Variants in PRKN observed in about 807,000 individuals in gnomAD.
PRKN encodes the protein E3 ubiquitin-protein ligase parkin.
PRKN carries 56 observed loss-of-function variants against 59.5 expected under a neutral mutation model. The ratio of observed to expected loss-of-function variants is 0.94; its 90% CI spans 0.76 to 1.18. The LOEUF is 1.18. Among genes scored for constraint, PRKN ranks in the 50% most tolerant of loss-of-function variants. The pLI is 0.00. For missense variants in PRKN, 657 were observed against 596.4 expected (o/e 1.10, Z -1.06); for synonymous variants, 250 against 222.1 (o/e 1.13, Z -1.12).
intron 3 of PRKN, among the ~76,000 whole-genome samples, chr6:162,261,191 C>T (rs1368259392): frequency 6.6e-6 from 1 of 152,162 alleles, no homozygotes; most frequent in East Asian, 1.9e-4. Context: ...TCCTCCTCAT[C>T]CTAGTAAGGA....
chr6:162,326,134 CA>C (rs749424243), intron 2 of PRKN, among the ~76,000 whole-genome samples: 16 of 152,250 alleles, frequency 1.1e-4, no homozygotes, highest in Admixed American at 3.3e-4. Flanking sequence ...AGCTTAGAAG[CA>C]AAAGGAAGCT....
chr6:161,897,966 C>CAAAAAAAAAAAAA lies in PRKN; in HGVS notation c.734+75323_734+75335dup, dbSNP rs55714271. ...TGGGTGACAGAGCGAGACTCCGTCT[C>CAAAAAAAAAAAAA]AAAAAAAAAAAAAAAAAAGTCTCCC... On this transcript the variant is annotated intron_variant, in intron 6 of 11. Coordinates refer to ENST00000366898, the MANE Select transcript of PRKN (RefSeq NM_004562.3). Among the ~76,000 whole-genome samples the CAAAAAAAAAAAAA allele has an allele frequency of 1.1e-3, 42 of 38,294 alleles. 6 individuals are homozygous for CAAAAAAAAAAAAA. Among genetic ancestry groups the CAAAAAAAAAAAAA allele is most frequent in the Non-Finnish European group, 1.6e-3 (35 of 21,916 alleles). 25.1% of individuals were successfully genotyped at this position (38,294 alleles called of 152,430 possible). A position where few individuals can be genotyped will look rare whatever the true frequency, so the allele number is the denominator to read the frequency against.
At chr6:162,055,730 G>A (rs1449631396) in intron 4 of PRKN, among the ~76,000 whole-genome samples, 2 of 152,112 alleles carry the variant, frequency 1.3e-5, no homozygotes, top group African/African-American at 4.8e-5. Flanking sequence ...TACCGACGAC[G>A]TTTGGACCCA....
rs776638890 is a variant in PRKN at position 162,169,846 on chromosome 6, T to C, written c.534+31285A>G. On this transcript the variant is annotated intron_variant, in intron 4 of 11. Coordinates refer to ENST00000366898, the MANE Select transcript of PRKN (RefSeq NM_004562.3). ...GTAAAAGGTTTCAGGAGCTTCTCCA[T>C]TGTTACAACATCTCCTTGTATCTAG... is the stretch of plus-strand genomic sequence containing the variant. Among the ~76,000 whole-genome samples, 53 of 152,216 alleles carry C rather than the reference T, an allele frequency of 3.5e-4. 1 individual carries two copies. The highest frequency in any genetic ancestry group is 1.3e-3 in the African/African-American group (52 of 41,470).
intron 2 of PRKN, among the ~76,000 whole-genome samples, chr6:162,291,548 A>T (rs1781428452): frequency 6.6e-6 from 1 of 152,134 alleles, no homozygotes; most frequent in Non-Finnish European, 1.5e-5. Context: ...TCACAAGGAA[A>T]CACATGGGAC....
At chr6:162,389,553 AGGTGTCCG>A in intron 2 of PRKN, among the ~76,000 whole-genome samples, 1 of 152,230 alleles carries the variant, frequency 6.6e-6, no homozygotes, top group Non-Finnish European at 1.5e-5. Flanking sequence ...CCAGTCTAAA[AGGTGTCCG>A]ATGATTCATT....
At position 161,393,370 on chromosome 6, in the gene PRKN, C is replaced by T. The variant is rs994490985; in HGVS notation, c.1084-6493G>A. ...AGAAATGCCACACTTGTAAACTACT[C>T]ATAAGACATAAGACTGCTGTCTAGA... On this transcript the variant is annotated intron_variant, in intron 9 of 11. Transcript: ENST00000366898. This position sits in a 1 kb window ranked among gnomAD's most constrained non-coding sequence, Gnocchi z 4.7. Among the ~76,000 whole-genome samples the T allele has an allele frequency of 6.6e-6, 1 of 152,090 alleles. No homozygotes were observed. The highest frequency in any genetic ancestry group is 1.9e-4 in the East Asian group (1 of 5,202).
intron 7 of PRKN, among the ~76,000 whole-genome samples, chr6:161,648,463 G>C (rs1784038037): frequency 6.6e-6 from 1 of 152,132 alleles, no homozygotes; most frequent in Admixed American, 6.5e-5. Flanking sequence ...GTTTATAGGG[G>C]CCAGGGATAG....
chr6:161,881,451 G>A (rs538728365), intron 6 of PRKN, among the ~76,000 whole-genome samples: 55 of 152,208 alleles, frequency 3.6e-4, no homozygotes, highest in African/African-American at 1.3e-3. Context: ...GGGGCTGAGT[G>A]GTTTAGGGCT....
At chr6:161,643,899 G>GA (rs1783830687) in intron 7 of PRKN, among the ~76,000 whole-genome samples, 1 of 151,926 alleles carries the variant, frequency 6.6e-6, no homozygotes, top group Non-Finnish European at 1.5e-5. Flanking sequence ...TATTTCATTA[G>GA]CATTGATTGA....
At chr6:162,688,348 T>C (rs1056591842) in intron 1 of PRKN, among the ~76,000 whole-genome samples, 7 of 152,158 alleles carry the variant, frequency 4.6e-5, no homozygotes, top group Non-Finnish European at 1.5e-5. Context: ...ATATTCTACA[T>C]ATTCATCTAG....
Position 161,573,757 on chromosome 6 carries a change from TATATA to T in PRKN, c.872-4346_872-4342del, listed in dbSNP as rs1208368749. Among the ~76,000 whole-genome samples, 63 of 44,940 alleles carry T rather than the reference TATATA, an allele frequency of 1.4e-3. 9 individuals carry two copies. The highest frequency in any genetic ancestry group is 1.8e-3 in the Non-Finnish European group (47 of 25,840). The allele number at this position is 44,940 out of a possible 152,430, so 29.5% of individuals were successfully genotyped here. A position where few individuals can be genotyped will look rare whatever the true frequency, so the allele number is the denominator to read the frequency against. On this transcript the variant is annotated intron_variant, in intron 7 of 11. Transcript: ENST00000366898. ...AAAAAAAAAAAAAAAAAAAAAAAAA[TATATA>T]TATATATATATATATATATATATAT...
intron 7 of PRKN, among the ~76,000 whole-genome samples, chr6:161,765,372 C>G (rs564561457): frequency 1.3e-5 from 2 of 152,136 alleles, no homozygotes; most frequent in East Asian, 3.9e-4. Flanking sequence ...TAGCTGGTTG[C>G]AAATCTCATT....
chr6:161,694,529 T>G (rs1785935532), intron 7 of PRKN, among the ~76,000 whole-genome samples: 1 of 152,162 alleles, frequency 6.6e-6, no homozygotes, highest in African/African-American at 2.4e-5. Context: ...TTTTTTAATT[T>G]TTAACTGTAG....
intron 1 of PRKN, among the ~76,000 whole-genome samples, chr6:162,611,997 A>G (rs543928591): frequency 7.9e-5 from 12 of 151,496 alleles, no homozygotes; most frequent in African/African-American, 2.4e-4. Flanking sequence ...CATCCTGGCT[A>G]ACACGGTGAA....
intron 5 of PRKN, among the ~76,000 whole-genome samples, chr6:162,044,127 T>C (rs1269128197): frequency 2.6e-5 from 4 of 152,204 alleles, no homozygotes. Flanking sequence ...AAAATAATCT[T>C]TTGTTTTTGT....
intron 3 of PRKN, among the ~76,000 whole-genome samples, chr6:162,204,914 G>A (rs1784874676): frequency 1.3e-5 from 2 of 151,140 alleles, no homozygotes; most frequent in Admixed American, 1.3e-4. Flanking sequence ...CCAGACTGGA[G>A]TGGAATGGTA....
chr6:162,603,653 T>C (rs1228040565), intron 1 of PRKN, among the ~76,000 whole-genome samples: 1 of 152,170 alleles, frequency 6.6e-6, no homozygotes, highest in Non-Finnish European at 1.5e-5. Flanking sequence ...CGAATAACAA[T>C]GATCAAACAT....
chr6:161,553,824 T>C (rs770083862), intron 8 of PRKN, among the ~76,000 whole-genome samples: 20 of 152,232 alleles, frequency 1.3e-4, no homozygotes, highest in Non-Finnish European at 2.8e-4. Flanking sequence ...CTCTGGCCAA[T>C]GGCAATCCTA....
Sources: allele counts gnomAD v4.1 joint callset (sites outside exome capture counted in the v4.1 genomes callset), GRCh38; gene constraint gnomAD v4.1.1; non-coding constraint Gnocchi (gnomAD v3.1); transcripts MANE v1.5; gene names NCBI Gene and HGNC (gene_info 2026-07-23, HGNC 2026-07-21).